Variants in F7 observed in about 807,000 individuals in gnomAD.
F7 encodes FVII coagulation protein.
A neutral mutation model predicts 47.5 loss-of-function variants in F7; 38 were observed. The ratio of observed to expected loss-of-function variants is 0.80; its 90% CI spans 0.62 to 1.05. The LOEUF is 1.05. Among genes scored for constraint, F7 ranks in the 50% least tolerant of loss-of-function variants. F7 has a pLI of 0.00. For synonymous variants in F7, 244 were observed against 258.5 expected, an observed-to-expected ratio of 0.94 and a Z score of 0.54; for missense variants, 575 against 605.4, an observed-to-expected ratio of 0.95 and a Z score of 0.53.
Position 113,117,513 on chromosome 13 carries a change from C to T in F7, c.656C>T (p.Thr219Ile). The change falls in exon 7 of 8, where the codon ACC becomes ATC. Residue 219 changes from threonine (T) to isoleucine (I), a missense_variant. Coordinates refer to ENST00000346342, the MANE Select transcript of F7 (RefSeq NM_019616.4). Reference sequence around the variant, plus strand: ...AATGGAGCTCAGTTGTGTGGGGGGACCCTGATCAACACCATCTGGGTGGTC... The same window carrying T: ...AATGGAGCTCAGTTGTGTGGGGGGATCCTGATCAACACCATCTGGGTGGTC... ...LVNGAQLCGGTLINTIWVVSA... is the reference protein window; with the variant it reads ...LVNGAQLCGGILINTIWVVSA... The T allele has an allele frequency of 6.2e-7, 1 of 1,614,192 alleles. No individual in the cohort carries two copies. The highest frequency in any genetic ancestry group is 8.5e-7 in the Non-Finnish European group (1 of 1,180,022).
At chr13:113,114,899 A>C (rs1164934118) in intron 4 of F7, 7 of 153,084 alleles carry the variant, frequency 4.6e-5, no homozygotes, top group Admixed American at 4.6e-4. Flanking sequence ...TGACCACCCA[A>C]GACCACATTC....
At chr13:113,118,373 A>G (rs752424038) in intron 7 of F7, 40 bp from the exon 8 acceptor site, 18 of 1,555,184 alleles carry the variant, frequency 1.2e-5, no homozygotes, top group Non-Finnish European at 8.7e-6. Flanking sequence ...GTGAGGTGGC[A>G]GGTGGTGGAA....
chr13:113,119,161 A>G lies in F7; in HGVS notation c.*153A>G. The G allele has an allele frequency of 2.9e-6, 2 of 680,180 alleles. No individual in the cohort carries two copies. The highest frequency in any genetic ancestry group is 5.0e-6 in the Non-Finnish European group (2 of 399,406). The allele number at this position is 680,180 out of a possible 1,614,324, so 42.1% of individuals were successfully genotyped here. A position where few individuals can be genotyped will look rare whatever the true frequency, so the allele number is the denominator to read the frequency against. ...GAGACAGAGACAGAAACAGAGAGAG[A>G]CAGAGACAGAGAGAGACTGAGGGAG... On this transcript the variant is annotated 3_prime_UTR_variant, in exon 8 of 8. Transcript: ENST00000346342.
chr13:113,117,625 CG>C (rs764638176), intron 7 of F7, 29 bp downstream of exon 7: 1 of 1,514,032 alleles, frequency 6.6e-7, no homozygotes, highest in East Asian at 2.6e-5. Flanking sequence ...TGTCCGACCG[CG>C]GTGCTGGGTG....
At position 113,119,511 on chromosome 13, in the gene F7, GCA is replaced by G. The variant is rs904016206; in HGVS notation, c.*510_*511del. The G allele has an allele frequency of 5.4e-6, 1 of 184,342 alleles. No homozygotes were observed. Among genetic ancestry groups the G allele is most frequent in the Admixed American group, 5.5e-5 (1 of 18,112 alleles). The allele number at this position is 184,342 out of a possible 1,614,324, so 11.4% of individuals were successfully genotyped here. ...CACAGAGATATGCACACACACGGAT[GCA>G]CACACAGATGGTCACACAGAGATAC... is the stretch of plus-strand genomic sequence containing the variant. On this transcript the variant is annotated 3_prime_UTR_variant, in exon 8 of 8. Coordinates refer to ENST00000346342, the MANE Select transcript of F7 (RefSeq NM_019616.4).
At chr13:113,114,016 G>A in intron 4 of F7, 56 bp downstream of exon 4, 1 of 1,598,172 alleles carries the variant, frequency 6.3e-7, no homozygotes, top group Non-Finnish European at 8.5e-7. Context: ...GCTGGTGGAG[G>A]TGGCCTGGCC....
At chr13:113,116,630 G>A (rs1350232511) in intron 5 of F7, 136 bp from the exon 6 acceptor site, 2 of 735,760 alleles carry the variant, frequency 2.7e-6, no homozygotes, top group East Asian at 2.6e-5. Context: ...CCTGGGCCCT[G>A]GGAGCTCCTG....
At chr13:113,108,734 CG>C (rs2036024199) in intron 1 of F7, among the ~76,000 whole-genome samples, 1 of 100,834 alleles carries the variant, frequency 9.9e-6, no homozygotes, top group African/African-American at 4.1e-5. Context: ...GTGGGTGTCC[CG>C]GGAGTGTGGG....
chr13:113,110,558 G>A (rs1595071790), intron 1 of F7, 132 bp from the exon 2 acceptor site: 2 of 1,278,744 alleles, frequency 1.6e-6, no homozygotes, highest in Admixed American at 2.1e-5. Flanking sequence ...AGCCAGGCCC[G>A]CGAGCAGCGC....
At chr13:113,108,883 G>A (rs2036029742) in intron 1 of F7, among the ~76,000 whole-genome samples, 1 of 72,830 alleles carries the variant, frequency 1.4e-5, no homozygotes, top group Admixed American at 1.3e-4. Context: ...AGGCGAGGGT[G>A]TCCCGGGAGT....
chr13:113,110,372 C>T (rs1300840871), intron 1 of F7: 2 of 302,692 alleles, frequency 6.6e-6, no homozygotes, highest in Middle Eastern at 9.5e-4. Context: ...TTCTCCTCGC[C>T]GGCATCGACC....
Position 113,117,541 on chromosome 13 carries a change from C to T in F7, c.684C>T (p.Ser228=), listed in dbSNP as rs146035766. 163 of 1,614,170 alleles carry T rather than the reference C, an allele frequency of 1.0e-4. No homozygotes were observed. In the African/African-American group the frequency reaches 2.0e-3, roughly 20 times the overall value. ...TGATCAACACCATCTGGGTGGTCTC[C>T]GCGGCCCACTGTTTCGACAAAATCA... ...GTLINTIWVV[S]AAHCFDKIKN... The change falls in exon 7 of 8, where the codon TCC becomes TCT. Residue 228 remains serine (S), a synonymous_variant. Transcript: ENST00000346342.
At chr13:113,112,862 ACCT>A (rs1188538898) in intron 2 of F7, among the ~76,000 whole-genome samples, 1 of 147,540 alleles carries the variant, frequency 6.8e-6, no homozygotes, top group Non-Finnish European at 1.5e-5. Flanking sequence ...CTCACAGGAC[ACCT>A]CACACAGGGC....
intron 1 of F7, 198 bp from the exon 2 acceptor site, chr13:113,110,492 C>T (rs1020215498): frequency 1.5e-6 from 1 of 664,434 alleles, no homozygotes; most frequent in East Asian, 3.0e-5. Flanking sequence ...GAGGCCAGGC[C>T]GGGAAGGATG....
In F7 at chr13:113,117,050, G is replaced by A. The variant is rs2036206661; in HGVS notation, c.615+175G>A. The A allele has an allele frequency of 7.2e-6, 5 of 690,248 alleles. No individual in the cohort carries two copies. The South Asian group carries it at 7.5e-5, about 10-fold the overall frequency. 42.8% of individuals were successfully genotyped at this position (690,248 alleles called of 1,614,324 possible). A position where few individuals can be genotyped will look rare whatever the true frequency, so the allele number is the denominator to read the frequency against. Reference sequence around the variant, plus strand: ...ACCCCCATGCTTTTAGTGGGGCAAGGAAGGAGAAAAGAAAACGACACTCAC... The same window carrying A: ...ACCCCCATGCTTTTAGTGGGGCAAGAAAGGAGAAAAGAAAACGACACTCAC... On this transcript the variant is annotated intron_variant, in intron 6 of 7. Transcript: ENST00000346342.
At chr13:113,115,622 C>T in intron 4 of F7, 38 bp from the exon 5 acceptor site, 1 of 1,606,924 alleles carries the variant, frequency 6.2e-7, no homozygotes, top group East Asian at 2.2e-5. Context: ...CGCTGACCCC[C>T]AGAAGCCCCT....
Position 113,113,268 on chromosome 13 carries a change from G to T in F7, c.226-484G>T, listed in dbSNP as rs188764085. Among the ~76,000 whole-genome samples the T allele has an allele frequency of 6.6e-6, 1 of 152,352 alleles. No individual in the cohort carries two copies. Among genetic ancestry groups the T allele is most frequent in the East Asian group, 1.9e-4 (1 of 5,190 alleles). ...CTAGCATTTTTATACACCTAGTTTT[G>T]AAAGCATTTCTCATCTGTTGTATTC... On this transcript the variant is annotated intron_variant, in intron 2 of 7. Coordinates refer to ENST00000346342, the MANE Select transcript of F7 (RefSeq NM_019616.4). This position sits in a 1 kb window ranked among gnomAD's most constrained non-coding sequence, Gnocchi z 4.1.
chr13:113,109,939 C>A (rs2036056738), intron 1 of F7, among the ~76,000 whole-genome samples: 1 of 152,234 alleles, frequency 6.6e-6, no homozygotes, highest in African/African-American at 2.4e-5. Flanking sequence ...CCCTCACCAG[C>A]CCCGTCTTCC....
At chr13:113,115,971 G>A (rs569627351) in intron 5 of F7, among the ~76,000 whole-genome samples, 171 bp downstream of exon 5, 2 of 152,328 alleles carry the variant, frequency 1.3e-5, no homozygotes, top group Non-Finnish European at 2.9e-5. Context: ...AGGCCAGAGC[G>A]ACAGTGACTA....
Sources: allele counts gnomAD v4.1 joint callset (sites outside exome capture counted in the v4.1 genomes callset), GRCh38; gene constraint gnomAD v4.1.1; non-coding constraint Gnocchi (gnomAD v3.1); transcripts MANE v1.5; gene names NCBI Gene and HGNC (gene_info 2026-07-23, HGNC 2026-07-21).